Variants in FLACC1 observed in about 807,000 individuals in gnomAD.
FLACC1 encodes flagellum-associated coiled-coil domain-containing protein 1.
A neutral mutation model predicts 62.8 loss-of-function variants in FLACC1; 66 were observed. That is an observed-to-expected ratio of 1.05 (90% CI 0.86 to 1.29). The LOEUF is 1.29. FLACC1 is among the 50% of genes most tolerant of loss of function. The pLI is 0.00. For missense variants in FLACC1, 452 were observed against 489.1 expected, an observed-to-expected ratio of 0.92 and a Z score of 0.71; for synonymous variants, 156 against 161.0, an observed-to-expected ratio of 0.97 and a Z score of 0.24.
At chr2:201,329,515 C>T (rs1253595585) in intron 9 of FLACC1, among the ~76,000 whole-genome samples, 3 of 152,212 alleles carry the variant, frequency 2.0e-5, no homozygotes, top group Non-Finnish European at 4.4e-5. Flanking sequence ...ACAGACAATT[C>T]ACAATAGCAA....
At chr2:201,350,063 G>A (rs2125622503) in intron 3 of FLACC1, among the ~76,000 whole-genome samples, 1 of 152,266 alleles carries the variant, frequency 6.6e-6, no homozygotes, top group East Asian at 1.9e-4. Context: ...TTATTCACAT[G>A]CCTGAAACCA....
In FLACC1 at chr2:201,303,170, G is replaced by A. The variant is rs1448899704; in HGVS notation, c.880-3870C>T. Among the ~76,000 whole-genome samples the A allele has an allele frequency of 2.6e-5, 4 of 151,920 alleles. No individual in the cohort carries two copies. In the East Asian group the frequency reaches 5.8e-4, roughly 22 times the overall value. On this transcript the variant is annotated intron_variant, in intron 11 of 14. Transcript: ENST00000392257. The stretch of plus-strand genomic sequence containing the variant: ...GTTTTTTGAAAAGATCAACAAAATT[G>A]ATAGACCGCTAGCAAGACTAATAAA...
chr2:201,359,729 G>C (rs557545758), upstream of FLACC1, among the ~76,000 whole-genome samples: 1 of 152,070 alleles, frequency 6.6e-6, no homozygotes, highest in African/African-American at 2.4e-5. Context: ...GGAGGGAAGC[G>C]TCTTGGTTGC....
At chr2:201,344,367 A>T in intron 5 of FLACC1, 104 bp from the exon 6 acceptor site, 2 of 761,500 alleles carry the variant, frequency 2.6e-6, no homozygotes, top group Non-Finnish European at 2.2e-6. Context: ...TGGCCTGGTG[A>T]GAGCTGGCCA....
Position 201,289,548 on chromosome 2 carries a change from G to A in FLACC1, c.1051C>T (p.Leu351=). 6.2e-7 allele frequency: 1 copy of A among 1,614,142 alleles called. No individual in the cohort carries two copies. Among genetic ancestry groups the A allele is most frequent in the East Asian group, 2.2e-5 (1 of 44,886 alleles). ...AACTTGGTTTGAAGCATTTTCTCCA[G>A]ATTTCCCACTATAGCTTTCTGAAAG... The part of the protein sequence containing the change: ...LQKEKAIVGN[L]EKMLQTKFAE... Residue 351 remains leucine (L), a synonymous_variant, in exon 14 of 15, where the codon CTG becomes TTG. Coordinates refer to ENST00000392257, the MANE Select transcript of FLACC1 (RefSeq NM_001127391.3).
At chr2:201,336,074 C>G (rs560462577) in intron 7 of FLACC1, among the ~76,000 whole-genome samples, 1 of 152,060 alleles carries the variant, frequency 6.6e-6, no homozygotes, top group Non-Finnish European at 1.5e-5. Context: ...TTGTACATCA[C>G]TGGGGTTTGG....
upstream of FLACC1, among the ~76,000 whole-genome samples, chr2:201,358,437 G>T: frequency 1.8e-5 from 2 of 109,948 alleles, no homozygotes; most frequent in Non-Finnish European, 3.8e-5. Flanking sequence ...TTTTTTTTGA[G>T]ACGGAGTCTC....
At chr2:201,311,821 G>C (rs527313643) in intron 9 of FLACC1, among the ~76,000 whole-genome samples, 1 of 151,720 alleles carries the variant, frequency 6.6e-6, no homozygotes, top group Non-Finnish European at 1.5e-5. Flanking sequence ...GAATTAGAAA[G>C]AAAACCCATA....
At chr2:201,322,958 T>G (rs539103587) in intron 9 of FLACC1, among the ~76,000 whole-genome samples, 2 of 152,138 alleles carry the variant, frequency 1.3e-5, no homozygotes, top group African/African-American at 4.8e-5. Context: ...GCAGAAAGCT[T>G]TAACAATAGA....
intron 12 of FLACC1, among the ~76,000 whole-genome samples, chr2:201,298,853 T>TA (rs2125544876): frequency 6.6e-6 from 1 of 152,290 alleles, no homozygotes; most frequent in South Asian, 2.1e-4. Flanking sequence ...ATTCAGAGCT[T>TA]AAGGAGGGGC....
intron 6 of FLACC1, among the ~76,000 whole-genome samples, chr2:201,343,206 T>C (rs986316020): frequency 1.3e-5 from 2 of 152,240 alleles, no homozygotes; most frequent in Non-Finnish European, 2.9e-5. Flanking sequence ...GTATTTTCAG[T>C]AACACAGTCT....
intron 7 of FLACC1, among the ~76,000 whole-genome samples, chr2:201,335,926 T>A (rs1950686695): frequency 6.6e-6 from 1 of 152,244 alleles, no homozygotes; most frequent in Admixed American, 6.5e-5. Flanking sequence ...TCTTATTTTT[T>A]AAGCTGTCAT....
chr2:201,300,260 C>G (rs577264351), intron 11 of FLACC1, among the ~76,000 whole-genome samples: 19 of 152,292 alleles, frequency 1.2e-4, no homozygotes, highest in African/African-American at 3.8e-4. Flanking sequence ...TAGCAAATGG[C>G]ACACCAGGAG....
At chr2:201,363,552 A>G in the FLACC1 span, among the ~76,000 whole-genome samples, 1 of 152,072 alleles carries the variant, frequency 6.6e-6, no homozygotes, top group South Asian at 2.1e-4. Context: ...ATGACCAGGC[A>G]GATCATCAGG....
At chr2:201,350,047 A>C (rs1950994155) in intron 3 of FLACC1, among the ~76,000 whole-genome samples, 2 of 152,160 alleles carry the variant, frequency 1.3e-5, no homozygotes, top group South Asian at 4.1e-4. Flanking sequence ...TGAGAGGGAG[A>C]TTATTTTATT....
At chr2:201,345,565 G>A (rs1266927437) in intron 5 of FLACC1, among the ~76,000 whole-genome samples, 1 of 152,028 alleles carries the variant, frequency 6.6e-6, no homozygotes, top group Admixed American at 6.6e-5. Flanking sequence ...ATCAGCCTGA[G>A]GGAAGAGGCA....
intron 1 of FLACC1, among the ~76,000 whole-genome samples, chr2:201,353,063 C>G (rs145657317): frequency 6.6e-6 from 1 of 152,244 alleles, no homozygotes; most frequent in East Asian, 1.9e-4. Context: ...AAGATTGTTG[C>G]TTGAGCCACT....
intron 1 of FLACC1, among the ~76,000 whole-genome samples, chr2:201,353,565 G>T (rs1951066872): frequency 6.6e-6 from 1 of 152,042 alleles, no homozygotes; most frequent in Admixed American, 6.6e-5. Flanking sequence ...TGATGTCAGT[G>T]GATATTTCTT....
At chr2:201,337,950 A>G (rs1950727632) in intron 7 of FLACC1, among the ~76,000 whole-genome samples, 1 of 152,162 alleles carries the variant, frequency 6.6e-6, no homozygotes, top group African/African-American at 2.4e-5. Context: ...TATTTCTGTG[A>G]AAAGTGACAT....
Sources: gnomAD v4.1 joint callset for allele counts (sites outside exome capture counted in the v4.1 genomes callset) on GRCh38, gnomAD v4.1.1 for gene constraint, MANE v1.5 for transcripts, NCBI Gene and HGNC (gene_info 2026-07-23, HGNC 2026-07-21) for gene names.